The following ADAMTSL1 variants were observed in gnomAD, a reference collection of about 807,000 sequenced individuals.
ADAMTSL1 encodes ADAMTS-like protein 1.
ADAMTSL1 carries 126 observed loss-of-function variants against 201.8 expected under a neutral mutation model. That is an observed-to-expected ratio of 0.62 (90% confidence interval 0.54 to 0.72). ADAMTSL1 has a LOEUF of 0.72. Ranked by LOEUF, ADAMTSL1 falls within the 30% of genes least tolerant of loss-of-function variation. ADAMTSL1 has a pLI of 0.00. For synonymous variants in ADAMTSL1, 1,121 were observed against 903.4 expected, an observed-to-expected ratio of 1.24 and a Z score of -4.32; for missense variants, 2,679 against 2,277.8, an observed-to-expected ratio of 1.18 and a Z score of -3.59.
intron 4 of ADAMTSL1, among the ~76,000 whole-genome samples, chr9:18,610,707 G>A (rs1825313269): frequency 6.6e-6 from 1 of 152,140 alleles, no homozygotes; most frequent in African/African-American, 2.4e-5. Flanking sequence ...AATCTGAGAT[G>A]CATAAACAAT....
chr9:18,055,535 C>T (rs1380422690), intron 1 of ADAMTSL1, among the ~76,000 whole-genome samples: 2 of 152,326 alleles, frequency 1.3e-5, no homozygotes, highest in Non-Finnish European at 1.5e-5. Flanking sequence ...ACATTAAATG[C>T]TTAATATATG....
At chr9:18,342,968 A>C (rs1586927761) in intron 2 of ADAMTSL1, among the ~76,000 whole-genome samples, 1 of 152,076 alleles carries the variant, frequency 6.6e-6, no homozygotes, top group Non-Finnish European at 1.5e-5. Flanking sequence ...AATGGAAATG[A>C]GCATAATTCT....
intron 1 of ADAMTSL1, among the ~76,000 whole-genome samples, chr9:17,997,859 A>C (rs1483977408): frequency 6.6e-6 from 1 of 152,044 alleles, no homozygotes; most frequent in African/African-American, 2.4e-5. Flanking sequence ...TCTTGTCTTC[A>C]TGCTCCTGAT....
At chr9:18,586,680 A>G (rs2383080) in intron 4 of ADAMTSL1, among the ~76,000 whole-genome samples, 49,758 of 152,050 alleles carry the variant, frequency 0.33, 8,508 homozygotes, top group East Asian at 0.53. Context: ...GCATCACATT[A>G]CCTGACTTCA....
At chr9:18,566,967 C>G (rs1336387023) in intron 3 of ADAMTSL1, among the ~76,000 whole-genome samples, 1 of 152,120 alleles carries the variant, frequency 6.6e-6, no homozygotes, top group Non-Finnish European at 1.5e-5. Flanking sequence ...AAATATGGCT[C>G]TAAGGCAGTG....
intron 1 of ADAMTSL1, among the ~76,000 whole-genome samples, chr9:18,122,661 A>G (rs1376888048): frequency 6.6e-6 from 1 of 152,186 alleles, no homozygotes; most frequent in Non-Finnish European, 1.5e-5. Context: ...AAATAAAGGA[A>G]TATATTCATA....
At chr9:18,264,174 A>G (rs1391484150) in intron 2 of ADAMTSL1, among the ~76,000 whole-genome samples, 2 of 152,008 alleles carry the variant, frequency 1.3e-5, no homozygotes, top group Non-Finnish European at 2.9e-5. Context: ...GACCTACTCA[A>G]TCCAGTTATT....
At chr9:18,009,776 A>G (rs937640152) in intron 1 of ADAMTSL1, among the ~76,000 whole-genome samples, 2 of 152,030 alleles carry the variant, frequency 1.3e-5, no homozygotes, top group Non-Finnish European at 2.9e-5. Context: ...AAAGAAGAAT[A>G]TTCTAACTTA....
rs369241033 is a variant in ADAMTSL1, at chr9:18,188,849, G to A, written c.207+24868G>A. ...ATTTGCTGAACACCGTTATGGGCCA[G>A]GCAGCATTAAGGGCTGTTGGCATCG... On this transcript the variant is annotated intron_variant, in intron 2 of 29. Transcript: ENST00000680146. 3.2e-4 allele frequency among the ~76,000 whole-genome samples: 49 copies of A among 152,290 alleles called. No individual in the cohort carries two copies. In the East Asian group the frequency reaches 6.8e-3, roughly 21 times the overall value.
chr9:18,813,984 C>G (rs1563823218), intron 20 of ADAMTSL1, among the ~76,000 whole-genome samples: 1 of 152,168 alleles, frequency 6.6e-6, no homozygotes, highest in Non-Finnish European at 1.5e-5. Context: ...GAAGCCTTCT[C>G]AACCTAATTT....
chr9:18,628,210 C>T (rs1424707488), intron 5 of ADAMTSL1, among the ~76,000 whole-genome samples: 1 of 152,028 alleles, frequency 6.6e-6, no homozygotes, highest in Non-Finnish European at 1.5e-5. Flanking sequence ...TGTTTTCTTG[C>T]AGAAATACAT....
chr9:17,970,044 C>T (rs2131423437), intron 1 of ADAMTSL1, among the ~76,000 whole-genome samples: 1 of 152,158 alleles, frequency 6.6e-6, no homozygotes, highest in East Asian at 1.9e-4. Context: ...GAACACGTGG[C>T]TAATCTTCAA....
intron 2 of ADAMTSL1, among the ~76,000 whole-genome samples, chr9:18,467,727 A>T (rs891185773): frequency 6.6e-6 from 1 of 152,218 alleles, no homozygotes; most frequent in African/African-American, 2.4e-5. Context: ...AATACACAGT[A>T]GTCAAAGGAC....
chr9:18,578,478 T>C (rs1225418563), intron 4 of ADAMTSL1, among the ~76,000 whole-genome samples: 2 of 152,056 alleles, frequency 1.3e-5, no homozygotes, highest in African/African-American at 4.8e-5. Flanking sequence ...CAATTTGTCA[T>C]TGTATGAATA....
At chr9:18,241,034 C>T (rs1181973645) in intron 2 of ADAMTSL1, among the ~76,000 whole-genome samples, 1 of 152,190 alleles carries the variant, frequency 6.6e-6, no homozygotes. Context: ...CTCCAGACCA[C>T]TAAAACTTTC....
At chr9:18,899,444 C>G (rs968697284) in intron 26 of ADAMTSL1, among the ~76,000 whole-genome samples, 3 of 152,146 alleles carry the variant, frequency 2.0e-5, no homozygotes, top group Non-Finnish European at 4.4e-5. Context: ...TTAGAAAAAA[C>G]TATTTTAAAA....
chr9:18,414,654 C>G (rs1818595021), intron 2 of ADAMTSL1, among the ~76,000 whole-genome samples: 1 of 152,064 alleles, frequency 6.6e-6, no homozygotes, highest in East Asian at 1.9e-4. Flanking sequence ...TGGGCAGAGC[C>G]TGGAAATTTC....
chr9:18,447,775 C>T (rs915841159), intron 2 of ADAMTSL1, among the ~76,000 whole-genome samples: 2 of 152,184 alleles, frequency 1.3e-5, no homozygotes, highest in African/African-American at 2.4e-5. Context: ...GCCTCTCTGC[C>T]AAATGAGTTT....
chr9:18,395,687 G>A (rs914850381), intron 2 of ADAMTSL1, among the ~76,000 whole-genome samples: 5 of 152,138 alleles, frequency 3.3e-5, no homozygotes, highest in African/African-American at 1.2e-4. Context: ...TCAACTGCAA[G>A]TGGTCAAAGA....
Sources: allele counts gnomAD v4.1 joint callset (sites outside exome capture counted in the v4.1 genomes callset), GRCh38; gene constraint gnomAD v4.1.1; transcripts MANE v1.5; gene names NCBI Gene and HGNC (gene_info 2026-07-23, HGNC 2026-07-21).